EHF: variants seen among roughly 807,000 people sequenced by gnomAD.
EHF encodes the protein ESE3 transcription factor.
Under a neutral mutation model 45.1 loss-of-function variants are expected in EHF, and 14 were observed. The observed-to-expected ratio is 0.31, with a 90% confidence interval of 0.21 to 0.49. EHF has a LOEUF of 0.49. EHF is among the 20% of genes least tolerant of loss of function. The pLI, the probability that EHF is intolerant of heterozygous loss-of-function variation, is 0.99. For synonymous variants in EHF, 136 were observed against 131.8 expected, an observed-to-expected ratio of 1.03 and a Z score of -0.22; for missense variants, 282 against 371.4, an observed-to-expected ratio of 0.76 and a Z score of 1.98.
intron 4 of EHF, among the ~76,000 whole-genome samples, chr11:34,650,935 C>A (rs2134177716): frequency 6.6e-6 from 1 of 152,230 alleles, no homozygotes; most frequent in Admixed American, 6.5e-5. Flanking sequence ...ACAGTCCACC[C>A]CTTCTCCTTG....
At chr11:34,627,109 G>A (rs1852438934) in intron 1 of EHF, among the ~76,000 whole-genome samples, 1 of 66,508 alleles carries the variant, frequency 1.5e-5, no homozygotes, top group African/African-American at 5.8e-5. Context: ...CTGGGATTTT[G>A]GTTTGTGTGT....
rs183325259 is a variant in EHF at position 34,650,335 on chromosome 11, G to T, written c.407-1207G>T. Among the ~76,000 whole-genome samples, 325 of 152,268 alleles carry T rather than the reference G, an allele frequency of 2.1e-3. 2 individuals carry two copies. The highest frequency in any genetic ancestry group is 7.5e-3 in the African/African-American group (313 of 41,538). On this transcript the variant is annotated intron_variant, in intron 4 of 8. Transcript: ENST00000257831. ...GGGCCAACACCCCCATACCTCTTTGGTTCAGTTTGTTTTCAGAGACAACAA... is the reference window on the plus strand; with the variant it reads ...GGGCCAACACCCCCATACCTCTTTGTTTCAGTTTGTTTTCAGAGACAACAA...
rs763419429 is a variant in EHF, at chr11:34,646,467, G to T, written c.126G>T (p.Trp42Cys). 6 of 1,614,080 alleles carry T rather than the reference G, an allele frequency of 3.7e-6. No individual in the cohort carries two copies. The highest frequency in any genetic ancestry group is 4.2e-6 in the Non-Finnish European group (5 of 1,179,994). The change falls in exon 3 of 9, where the codon TGG becomes TGT. Residue 42 changes from tryptophan (W) to cysteine (C), a missense_variant. This residue lies in a region of EHF where 213 missense variants were observed against 247.3 expected (regional missense o/e 0.86). Coordinates refer to ENST00000257831, the MANE Select transcript of EHF (RefSeq NM_012153.6). ...NVSSGFFGGQ[W>C]HEIHPQYWTK... ...CCAGTGGGTTTTTTGGAGGCCAGTG[G>T]CATGAAATTCATCCTCAGTACTGGA...
intron 1 of EHF, among the ~76,000 whole-genome samples, chr11:34,637,984 C>G (rs1413173006): frequency 2.6e-5 from 4 of 151,948 alleles, no homozygotes; most frequent in Non-Finnish European, 4.4e-5. Context: ...TCGCTGCAAC[C>G]TCTGACTCCT....
chr11:34,654,610 C>T (rs1590543201), intron 6 of EHF, among the ~76,000 whole-genome samples: 1 of 152,256 alleles, frequency 6.6e-6, no homozygotes, highest in African/African-American at 2.4e-5. Flanking sequence ...CGGCTGACAA[C>T]TCAAAGAATA....
chr11:34,651,491 C>T, intron 4 of EHF, 51 bp from the exon 5 acceptor site: 1 of 1,490,018 alleles, frequency 6.7e-7, no homozygotes, highest in Non-Finnish European at 9.3e-7. Flanking sequence ...GCAGCCTCTT[C>T]TCCCTGGGGA....
At chr11:34,638,255 A>C (rs1244359829) in intron 1 of EHF, among the ~76,000 whole-genome samples, 1 of 152,194 alleles carries the variant, frequency 6.6e-6, no homozygotes, top group Admixed American at 6.5e-5. Context: ...TTGTGTGTGC[A>C]GTTTGTAATA....
At chr11:34,632,244 G>A (rs1054585834) in intron 1 of EHF, among the ~76,000 whole-genome samples, 4 of 151,974 alleles carry the variant, frequency 2.6e-5, no homozygotes, top group Admixed American at 1.3e-4. Flanking sequence ...CGTTGTTATC[G>A]GAGCAGAGCA....
At position 34,658,631 on chromosome 11, in the gene EHF, G is replaced by A. The variant is rs199838917; in HGVS notation, c.706G>A (p.Val236Ile). The part of the protein sequence containing the change: ...LIKWEDRSEG[V>I]FRFLKSEAVA... ...AAAATGGGAAGACCGATCTGAGGGCGTCTTCAGGTTCTTGAAATCAGAGGC... is the reference window on the plus strand; with the variant it reads ...AAAATGGGAAGACCGATCTGAGGGCATCTTCAGGTTCTTGAAATCAGAGGC... Residue 236 changes from valine to isoleucine, a missense_variant, in exon 8 of 9, where the codon GTC becomes ATC. By Grantham distance (29) the Val-to-Ile change is conservative (BLOSUM62 3). Coordinates refer to ENST00000257831, the MANE Select transcript of EHF (RefSeq NM_012153.6). The A allele has an allele frequency of 2.0e-5, 32 of 1,613,766 alleles. No homozygotes were observed. In the East Asian group the frequency reaches 4.2e-4, roughly 21 times the overall value.
chr11:34,644,784 A>C (rs899108651), intron 2 of EHF, among the ~76,000 whole-genome samples: 1 of 152,238 alleles, frequency 6.6e-6, no homozygotes, highest in African/African-American at 2.4e-5. Flanking sequence ...AATTCGATAG[A>C]CCAGCAACAT....
At chr11:34,638,100 C>T (rs1565030213) in intron 1 of EHF, among the ~76,000 whole-genome samples, 1 of 152,124 alleles carries the variant, frequency 6.6e-6, no homozygotes, top group Non-Finnish European at 1.5e-5. Flanking sequence ...CAGGGTTTCA[C>T]CATGTTGGCC....
chr11:34,624,646 C>T (rs767425822), intron 1 of EHF, among the ~76,000 whole-genome samples: 3 of 152,136 alleles, frequency 2.0e-5, no homozygotes, highest in Non-Finnish European at 4.4e-5. Flanking sequence ...TAGGGTGGGA[C>T]ATAGTTTCAA....
chr11:34,658,138 G>A (rs1287707546), intron 7 of EHF, among the ~76,000 whole-genome samples: 1 of 152,140 alleles, frequency 6.6e-6, no homozygotes, highest in Non-Finnish European at 1.5e-5. Flanking sequence ...CTGGATAAAA[G>A]TGGTTGAGAG....
At chr11:34,648,928 C>A in intron 3 of EHF, 91 bp from the exon 4 acceptor site, 1 of 1,233,440 alleles carries the variant, frequency 8.1e-7, no homozygotes, top group Non-Finnish European at 1.2e-6. Context: ...ATGGCAGAAG[C>A]TCTGCAAAGA....
chr11:34,627,446 A>G (rs1434008285), intron 1 of EHF, among the ~76,000 whole-genome samples: 1 of 152,108 alleles, frequency 6.6e-6, no homozygotes, highest in Admixed American at 6.5e-5. Flanking sequence ...GAGTGAGTAT[A>G]CCGTTGCCCA....
intron 1 of EHF, among the ~76,000 whole-genome samples, chr11:34,629,326 T>TTGCTA (rs1474464382): frequency 9.2e-5 from 14 of 152,178 alleles, no homozygotes; most frequent in African/African-American, 3.4e-4. Context: ...TACAGAGGGC[T>TTGCTA]TGCTACGTAA....
intron 1 of EHF, among the ~76,000 whole-genome samples, chr11:34,624,866 G>A (rs1335515761): frequency 1.3e-5 from 2 of 152,186 alleles, no homozygotes; most frequent in Non-Finnish European, 2.9e-5. Flanking sequence ...TGTGCTGGAC[G>A]GCAGTCTAGG....
chr11:34,622,468 T>G, intron 1 of EHF: 1 of 1,127,498 alleles, frequency 8.9e-7, no homozygotes, highest in Non-Finnish European at 1.2e-6. Flanking sequence ...TTAGAGATTC[T>G]GTGTGACTGT....
intron 1 of EHF, among the ~76,000 whole-genome samples, chr11:34,636,471 C>G (rs1057198443): frequency 2.6e-5 from 4 of 152,236 alleles, no homozygotes; most frequent in African/African-American, 9.6e-5. Context: ...AACAGAGACT[C>G]ATGGGCAGAC....
Sources: allele counts gnomAD v4.1 joint callset (sites outside exome capture counted in the v4.1 genomes callset), GRCh38; gene constraint gnomAD v4.1.1; regional missense constraint gnomAD v4.1.1; transcripts MANE v1.5; gene names NCBI Gene and HGNC (gene_info 2026-07-23, HGNC 2026-07-21).